The following KCNIP4 variants were observed in gnomAD, a reference collection of about 807,000 sequenced individuals.
KCNIP4 encodes Kv channel-interacting protein 4.
Under a neutral mutation model 34.0 loss-of-function variants are expected in KCNIP4, and 12 were observed. That is an observed-to-expected ratio of 0.35 (90% CI 0.23 to 0.57). The LOEUF (loss-of-function observed/expected upper bound fraction) is 0.57, where lower values mean the gene tolerates loss of function less well. Ranked by LOEUF, KCNIP4 falls within the 20% of genes least tolerant of loss-of-function variation. The pLI, the probability that KCNIP4 is intolerant of heterozygous loss-of-function variation, is 0.83. For synonymous variants in KCNIP4, 124 were observed against 102.2 expected (o/e 1.21, Z -1.29); for missense variants, 238 against 311.7 (o/e 0.76, Z 1.78).
chr4:20,883,940 G>T (rs1724997124), intron 1 of KCNIP4, among the ~76,000 whole-genome samples: 1 of 152,136 alleles, frequency 6.6e-6, no homozygotes, highest in African/African-American at 2.4e-5. Context: ...ATCTGGCCCT[G>T]TCTGAGTCTC....
intron 1 of KCNIP4, among the ~76,000 whole-genome samples, chr4:21,359,434 T>C (rs1294670910): frequency 1.3e-5 from 2 of 152,114 alleles, no homozygotes; most frequent in East Asian, 3.9e-4. Flanking sequence ...ATGATATGTA[T>C]ATATTATATT....
chr4:21,859,295 G>A (rs1724928641), intron 1 of KCNIP4, among the ~76,000 whole-genome samples: 1 of 152,054 alleles, frequency 6.6e-6, no homozygotes, highest in Admixed American at 6.6e-5. Context: ...TCGCTGTCCT[G>A]CTATCCTTTT....
At chr4:21,707,809 T>C (rs79735600) in intron 1 of KCNIP4, among the ~76,000 whole-genome samples, 2,657 of 152,058 alleles carry the variant, frequency 0.017, 76 homozygotes, top group African/African-American at 0.053. Flanking sequence ...GGGGTCAGTA[T>C]GGTTAGGGGA....
intron 3 of KCNIP4, among the ~76,000 whole-genome samples, chr4:20,759,162 A>G (rs528106787): frequency 5.9e-5 from 9 of 152,272 alleles, no homozygotes; most frequent in African/African-American, 2.2e-4. Context: ...TTAAGAACAC[A>G]TATGTTTATT....
At chr4:21,720,148 TTCTTAA>T (rs1261177930) in intron 1 of KCNIP4, among the ~76,000 whole-genome samples, 2 of 152,120 alleles carry the variant, frequency 1.3e-5, no homozygotes, top group African/African-American at 2.4e-5. Flanking sequence ...TAAGAGGGAC[TTCTTAA>T]TCTTAAAGGC....
At chr4:21,920,944 A>T (rs559750550) in intron 1 of KCNIP4, among the ~76,000 whole-genome samples, 2 of 152,254 alleles carry the variant, frequency 1.3e-5, no homozygotes, top group East Asian at 3.9e-4. Context: ...CACATCCTAC[A>T]GAGTTTTACA....
intron 1 of KCNIP4, among the ~76,000 whole-genome samples, chr4:21,664,765 A>T (rs28507808): frequency 0.3 from 45,339 of 151,994 alleles, 8,051 homozygotes; most frequent in East Asian, 0.75. Flanking sequence ...CCACCTATAG[A>T]CTATTTTTTA....
intron 1 of KCNIP4, among the ~76,000 whole-genome samples, chr4:21,601,773 G>A (rs914064961): frequency 6.6e-6 from 1 of 151,998 alleles, no homozygotes; most frequent in Non-Finnish European, 1.5e-5. Context: ...GCTCATTTCT[G>A]CTTTAGGAAC....
chr4:21,087,146 A>ATATGTGTGTG (rs1553935810), intron 1 of KCNIP4, among the ~76,000 whole-genome samples: 2 of 110,924 alleles, frequency 1.8e-5, no homozygotes, highest in African/African-American at 7.5e-5. Context: ...CTGCTGGGTA[A>ATATGTGTGTG]TGTGTGTGTG....
chr4:20,790,492 C>T (rs1712595783), intron 3 of KCNIP4, among the ~76,000 whole-genome samples: 1 of 152,076 alleles, frequency 6.6e-6, no homozygotes. Context: ...CAGCTTAAAA[C>T]ACATTGTACA....
intron 1 of KCNIP4, among the ~76,000 whole-genome samples, chr4:21,706,071 C>A (rs1225262308): frequency 1.3e-5 from 2 of 152,126 alleles, no homozygotes; most frequent in African/African-American, 4.8e-5. Context: ...GAGAACTATA[C>A]AAATATCACA....
chr4:21,072,570 A>G (rs1745062816), intron 1 of KCNIP4, among the ~76,000 whole-genome samples: 1 of 152,038 alleles, frequency 6.6e-6, no homozygotes, highest in African/African-American at 2.4e-5. Context: ...AGTAGATTGC[A>G]AAAATTTTCT....
chr4:20,861,741 C>A (rs1722218109), intron 2 of KCNIP4, among the ~76,000 whole-genome samples: 1 of 152,020 alleles, frequency 6.6e-6, no homozygotes, highest in African/African-American at 2.4e-5. Context: ...AATTGCTTTG[C>A]AATTTCATAA....
chr4:21,137,387 A>G (rs1751583094), intron 1 of KCNIP4, among the ~76,000 whole-genome samples: 1 of 152,184 alleles, frequency 6.6e-6, no homozygotes, highest in Admixed American at 6.5e-5. Context: ...CTTATCAGGG[A>G]AGGCAGGGTA....
chr4:21,422,171 T>C (rs1725512860), intron 1 of KCNIP4, among the ~76,000 whole-genome samples: 1 of 152,014 alleles, frequency 6.6e-6, no homozygotes, highest in African/African-American at 2.4e-5. Context: ...AGAAGTATTT[T>C]ATATTATAAA....
rs73805026 is a variant in KCNIP4 at position 21,151,824 on chromosome 4, A to G, written c.62-269115T>C. On this transcript the variant is annotated intron_variant, in intron 1 of 8. Coordinates refer to ENST00000382152, the MANE Select transcript of KCNIP4 (RefSeq NM_025221.6). ...CTAGCCTTGTGCATAGGCTCTGAAA[A>G]GTTCTCCTTGCACAGGGACAACATT... Among the ~76,000 whole-genome samples, 709 of 152,166 alleles carry G rather than the reference A, an allele frequency of 4.7e-3. 3 individuals are homozygous for G. Among genetic ancestry groups the G allele is most frequent in the African/African-American group, 0.015 (612 of 41,496 alleles).
At chr4:20,764,708 A>T (rs1011442600) in intron 3 of KCNIP4, among the ~76,000 whole-genome samples, 1 of 150,756 alleles carries the variant, frequency 6.6e-6, no homozygotes, top group Non-Finnish European at 1.5e-5. Context: ...ACACACACAC[A>T]ACCCCATGAA....
intron 1 of KCNIP4, among the ~76,000 whole-genome samples, chr4:21,831,985 TC>T (rs1383609045): frequency 6.6e-6 from 1 of 151,856 alleles, no homozygotes; most frequent in African/African-American, 2.4e-5. Flanking sequence ...GATGCAAAAA[TC>T]CTTAACAAAT....
chr4:21,082,475 T>C (rs1212229111), intron 1 of KCNIP4, among the ~76,000 whole-genome samples: 2 of 151,868 alleles, frequency 1.3e-5, no homozygotes, highest in Non-Finnish European at 2.9e-5. Flanking sequence ...TCATGAGTTA[T>C]GATGAACTCA....
Sources: gnomAD v4.1 joint callset for allele counts (sites outside exome capture counted in the v4.1 genomes callset) on GRCh38, gnomAD v4.1.1 for gene constraint, MANE v1.5 for transcripts, NCBI Gene and HGNC (gene_info 2026-07-23, HGNC 2026-07-21) for gene names.